Variants in LRIF1 observed in about 807,000 individuals in gnomAD.
LRIF1 encodes the protein ligand dependent nuclear receptor interacting factor 1.
Under a neutral mutation model 52.7 loss-of-function variants are expected in LRIF1, and 32 were observed. The observed-to-expected ratio is 0.61, with a 90% confidence interval of 0.46 to 0.82. The LOEUF (loss-of-function observed/expected upper bound fraction) is 0.82, where lower values mean the gene tolerates loss of function less well. Among genes scored for constraint, LRIF1 ranks in the 40% least tolerant of loss-of-function variants. LRIF1 has a pLI of 0.00. For synonymous variants in LRIF1, 323 were observed against 317.4 expected (o/e 1.02, Z -0.19); for missense variants, 887 against 892.0 (o/e 0.99, Z 0.07).
At chr1:110,876,483 C>T in the LRIF1 span, among the ~76,000 whole-genome samples, 1 of 152,070 alleles carries the variant, frequency 6.6e-6, no homozygotes, top group Non-Finnish European at 1.5e-5. Context: ...TTTTCCAAAC[C>T]TTTTTGTTTG....
downstream of LRIF1, among the ~76,000 whole-genome samples, chr1:110,946,641 A>G: frequency 7.0e-6 from 1 of 142,134 alleles, no homozygotes. Flanking sequence ...TTACTTCCAG[A>G]GATTTGATCC....
the LRIF1 span, among the ~76,000 whole-genome samples, chr1:110,915,452 C>T: frequency 6.6e-6 from 1 of 152,138 alleles, no homozygotes; most frequent in African/African-American, 2.4e-5. Context: ...AGCGCCAATG[C>T]ACTCCAGCCT....
At chr1:110,951,210 T>C (rs528116234) in intron 2 of LRIF1, 78 bp downstream of exon 2, 9 of 1,168,980 alleles carry the variant, frequency 7.7e-6, no homozygotes, top group Middle Eastern at 2.7e-4. Flanking sequence ...AGAGGTATCA[T>C]AGATAACTTT....
At chr1:110,891,365 C>T in the LRIF1 span, 3 of 1,485,846 alleles carry the variant, frequency 2.0e-6, no homozygotes, top group East Asian at 2.3e-5. Context: ...AGTGAGGTAA[C>T]TTACTTTCTT....
At chr1:110,909,010 G>A in the LRIF1 span, among the ~76,000 whole-genome samples, 3 of 152,076 alleles carry the variant, frequency 2.0e-5, no homozygotes, top group African/African-American at 4.8e-5. Flanking sequence ...CATGTACAAG[G>A]GCTAACAGTG....
chr1:110,891,309 G>C, the LRIF1 span: 9 of 957,544 alleles, frequency 9.4e-6, no homozygotes, highest in Non-Finnish European at 1.5e-5. Flanking sequence ...GGTAATGCTA[G>C]AGATCCCTGA....
At chr1:110,910,292 C>G in the LRIF1 span, among the ~76,000 whole-genome samples, 3 of 134,480 alleles carry the variant, frequency 2.2e-5, no homozygotes, top group East Asian at 2.3e-4. Flanking sequence ...AAGCAATTCT[C>G]AAAAAAAAAA....
the LRIF1 span, chr1:110,941,433 A>C: frequency 6.6e-6 from 1 of 152,042 alleles, no homozygotes; most frequent in Non-Finnish European, 1.5e-5. Context: ...ATTATCTACA[A>C]TATATGTACT....
chr1:110,960,829 G>A (rs1658919588), intron 1 of LRIF1, among the ~76,000 whole-genome samples: 1 of 152,090 alleles, frequency 6.6e-6, no homozygotes, highest in African/African-American at 2.4e-5. Context: ...CAGAATTTCT[G>A]AAAAGACAAC....
At chr1:110,892,040 G>A in the LRIF1 span, among the ~76,000 whole-genome samples, 2 of 152,288 alleles carry the variant, frequency 1.3e-5, no homozygotes, top group East Asian at 1.9e-4. Context: ...ATGTGTGAGC[G>A]ACTGAAAAGA....
At chr1:110,901,048 C>A in the LRIF1 span, among the ~76,000 whole-genome samples, 37 of 152,246 alleles carry the variant, frequency 2.4e-4, no homozygotes, top group Non-Finnish European at 4.9e-4. Context: ...CTCCCCTCTC[C>A]TTTTAAAAAA....
the LRIF1 span, among the ~76,000 whole-genome samples, chr1:110,893,532 A>AG: frequency 6.6e-6 from 1 of 152,170 alleles, no homozygotes; most frequent in Admixed American, 6.5e-5. Flanking sequence ...ATATTGGTCA[A>AG]GCTGGTCTCT....
intron 3 of LRIF1, among the ~76,000 whole-genome samples, chr1:110,949,573 C>T (rs996484193): frequency 2.6e-5 from 4 of 151,806 alleles, no homozygotes; most frequent in Admixed American, 1.3e-4. Flanking sequence ...GCAACCACCA[C>T]CAGGCCCAGC....
In LRIF1 at chr1:110,963,849, G is replaced by A; in HGVS notation, c.-161C>T. ...ACGGAGGGCGACAGCGGGCTCTCGA[G>A]AGGGTGTATCCCCAGGCTTCGGGAC... is the stretch of plus-strand genomic sequence containing the variant. On this transcript the variant is annotated 5_prime_UTR_variant, in exon 1 of 4. Coordinates refer to ENST00000369763, the MANE Select transcript of LRIF1 (RefSeq NM_018372.4). The A allele has an allele frequency of 3.6e-6, 2 of 556,576 alleles. No individual in the cohort carries two copies. Among genetic ancestry groups the A allele is most frequent in the South Asian group, 2.1e-5 (1 of 48,090 alleles). 34.5% of individuals were successfully genotyped at this position (556,576 alleles called of 1,614,324 possible).
the LRIF1 span, among the ~76,000 whole-genome samples, chr1:110,879,582 G>C: frequency 6.6e-6 from 1 of 151,366 alleles, no homozygotes; most frequent in Admixed American, 6.6e-5. Context: ...TCTTTATCTT[G>C]GCTTTTGTTT....
the LRIF1 span, among the ~76,000 whole-genome samples, chr1:110,921,755 G>A: frequency 6.6e-6 from 1 of 152,116 alleles, no homozygotes; most frequent in African/African-American, 2.4e-5. Flanking sequence ...TGGTTTAGAC[G>A]TGCCTCCTAA....
At chr1:110,888,517 C>G in the LRIF1 span, among the ~76,000 whole-genome samples, 1 of 152,138 alleles carries the variant, frequency 6.6e-6, no homozygotes, top group Non-Finnish European at 1.5e-5. Flanking sequence ...GTTTTGCAGA[C>G]CATTATTTTA....
At position 110,952,053 on chromosome 1, in the gene LRIF1, T is replaced by C. The variant is rs919475440; in HGVS notation, c.831A>G (p.Gln277=). ...QIPKNVATET[Q]LKGGQHSQAA... ...CTTGAGAATGCTGACCACCTTTCAA[T>C]TGTGTCTCTGTAGCAACATTCTTTG... Residue 277 remains glutamine, a synonymous_variant, in exon 2 of 4, where the codon CAA becomes CAG. Coordinates refer to ENST00000369763, the MANE Select transcript of LRIF1 (RefSeq NM_018372.4). 9.3e-6 allele frequency: 15 copies of C among 1,614,110 alleles called. No individual in the cohort carries two copies. The highest frequency in any genetic ancestry group is 1.3e-5 in the African/African-American group (1 of 74,938).
the LRIF1 span, among the ~76,000 whole-genome samples, chr1:110,886,156 T>C: frequency 6.6e-6 from 1 of 152,170 alleles, no homozygotes; most frequent in African/African-American, 2.4e-5. Context: ...TTTTTTTCTT[T>C]AGTATTTTAA....
Sources: allele counts gnomAD v4.1 joint callset (sites outside exome capture counted in the v4.1 genomes callset), GRCh38; gene constraint gnomAD v4.1.1; transcripts MANE v1.5; gene names NCBI Gene and HGNC (gene_info 2026-07-23, HGNC 2026-07-21).